The following BUB1 variants were observed in gnomAD, a reference collection of about 807,000 sequenced individuals.
The protein encoded by BUB1 is BUB1 mitotic checkpoint serine/threonine kinase, also known as mitotic checkpoint serine/threonine-protein kinase BUB1.
In BUB1, 84 loss-of-function variants were observed where a neutral mutation model predicts 135.2. The observed-to-expected ratio is 0.62, with a 90% confidence interval of 0.52 to 0.74. The LOEUF (loss-of-function observed/expected upper bound fraction) is 0.74. Ranked by LOEUF, BUB1 falls within the 30% of genes least tolerant of loss-of-function variation. The pLI is 0.00. For missense variants in BUB1, 1,162 were observed against 1,288.3 expected, an observed-to-expected ratio of 0.90 and a Z score of 1.50; for synonymous variants, 403 against 434.4, an observed-to-expected ratio of 0.93 and a Z score of 0.90.
Position 110,666,381 on chromosome 2 carries a change from T to C in BUB1, c.839A>G (p.Glu280Gly). Residue 280 changes from glutamate (E) to glycine (G), a missense_variant, in exon 9 of 25, where the codon GAA becomes GGA. Physicochemically the swap from Glu to Gly is moderately conservative, Grantham distance 98. Coordinates refer to ENST00000302759, the MANE Select transcript of BUB1 (RefSeq NM_004336.5). ...TAGCTGTTCTTCAAAAGCATTTGCT[T>C]CTTTCCTTTTCATATAATGTCTGTC... ...NEDRHYMKRKEANAFEEQLLK... is the reference protein window; with the variant it reads ...NEDRHYMKRKGANAFEEQLLK... 6.6e-7 allele frequency: 1 copy of C among 1,504,074 alleles called. No homozygotes were observed. Among genetic ancestry groups the C allele is most frequent in the Non-Finnish European group, 8.9e-7 (1 of 1,124,256 alleles). 93.2% of individuals were successfully genotyped at this position (1,504,074 alleles called of 1,614,324 possible). A position where few individuals can be genotyped will look rare whatever the true frequency, so the allele number is the denominator to read the frequency against.
intron 21 of BUB1, 26 bp downstream of exon 21, chr2:110,641,616 T>A: frequency 2.5e-6 from 4 of 1,603,382 alleles, no homozygotes; most frequent in Non-Finnish European, 8.5e-7. Flanking sequence ...TAAATTCATG[T>A]GCTCATCATA....
chr2:110,669,546 G>A lies in BUB1; in HGVS notation c.474C>T (p.Thr158=), dbSNP rs751310382. The change falls in exon 6 of 25, where the codon ACC becomes ACT. Residue 158 remains threonine, a synonymous_variant. Coordinates refer to ENST00000302759, the MANE Select transcript of BUB1 (RefSeq NM_004336.5). ...CCTGAACATTATGCAGAGGTTCTGA[G>A]GTTCTAGCTATGAGGGAAAAGAGGA... The part of the protein sequence containing the change: ...TETHLPAQAR[T]SEPLHNVQVL... 30 of 1,600,498 alleles carry A rather than the reference G, an allele frequency of 1.9e-5. No homozygotes were observed. Among genetic ancestry groups the A allele is most frequent in the Non-Finnish European group, 2.4e-5 (28 of 1,168,384 alleles).
At chr2:110,643,249 G>A (rs535416356) in intron 19 of BUB1, among the ~76,000 whole-genome samples, 1 of 152,144 alleles carries the variant, frequency 6.6e-6, no homozygotes, top group African/African-American at 2.4e-5. Flanking sequence ...TGCCAAACTA[G>A]AAGCCCAGGA....
intron 3 of BUB1, among the ~76,000 whole-genome samples, chr2:110,673,721 C>T (rs1458814839): frequency 1.3e-5 from 2 of 152,070 alleles, no homozygotes; most frequent in African/African-American, 4.8e-5. Flanking sequence ...GCCATAGCCC[C>T]CCGAGTAGCT....
chr2:110,637,698 A>C lies in BUB1; in HGVS notation c.*266T>G, dbSNP rs1009728232. Reference sequence around the variant, plus strand: ...TTGGCTTAAACAGGTCAGTGTTTAAAAAGTGATTTCTAGAGAATGCTCATG... The same window carrying C: ...TTGGCTTAAACAGGTCAGTGTTTAACAAGTGATTTCTAGAGAATGCTCATG... On this transcript the variant is annotated 3_prime_UTR_variant, in exon 25 of 25. Transcript: ENST00000302759. 3.7e-6 allele frequency: 1 copy of C among 272,638 alleles called. No individual in the cohort carries two copies. Among genetic ancestry groups the C allele is most frequent in the African/African-American group, 2.2e-5 (1 of 45,816 alleles). 16.9% of individuals were successfully genotyped at this position (272,638 alleles called of 1,614,324 possible).
rs1203211482 is a variant in BUB1 at position 110,641,448 on chromosome 2, T to A, written c.2642A>T (p.Tyr881Phe). The A allele has an allele frequency of 1.9e-6, 3 of 1,612,138 alleles. No homozygotes were observed. Among genetic ancestry groups the A allele is most frequent in the Non-Finnish European group, 2.5e-6 (3 of 1,179,536 alleles). The change falls in exon 22 of 25, where the codon TAT becomes TTT. Residue 881 changes from tyrosine to phenylalanine, a missense_variant. By Grantham distance (22) the Tyr-to-Phe change is conservative. Coordinates refer to ENST00000302759, the MANE Select transcript of BUB1 (RefSeq NM_004336.5). ...CATCACTTTTTCAGGGGTATTTTTATAGAGGTTAATGGCATTCTAGGAACA... is the reference window on the plus strand; with the variant it reads ...CATCACTTTTTCAGGGGTATTTTTAAAGAGGTTAATGGCATTCTAGGAACA... ...YGTLLNAINL[Y>F]KNTPEKVMPQ...
intron 17 of BUB1, 58 bp downstream of exon 17, chr2:110,653,378 A>T (rs1429474315): frequency 1.3e-6 from 2 of 1,539,664 alleles, no homozygotes; most frequent in Admixed American, 1.7e-5. Context: ...TGAAAATGGT[A>T]AACAATGTTA....
rs756454638 is a variant in BUB1 at position 110,657,031 on chromosome 2, T to G, written c.1698+5A>C. 1 of 1,610,696 alleles carries G rather than the reference T, an allele frequency of 6.2e-7. No homozygotes were observed. ...CCATTTCATAGATAAAACAGGTTTG[T>G]TTACCTTTGGTTTTGAAGGAAGTCT... is the stretch of plus-strand genomic sequence containing the variant. On this transcript the variant is annotated splice_donor_5th_base_variant and intron_variant, in intron 15 of 24. Coordinates refer to ENST00000302759, the MANE Select transcript of BUB1 (RefSeq NM_004336.5).
At chr2:110,668,875 C>T (rs113338280) in intron 6 of BUB1, among the ~76,000 whole-genome samples, 2 of 149,780 alleles carry the variant, frequency 1.3e-5, no homozygotes, top group Admixed American at 6.6e-5. Context: ...CTAGAGGTAG[C>T]GAGGTCCCAA....
chr2:110,660,523 G>A (rs1574327399), intron 10 of BUB1, among the ~76,000 whole-genome samples: 1 of 152,112 alleles, frequency 6.6e-6, no homozygotes. Context: ...GGTCTACAGT[G>A]TTAGTAAATA....
chr2:110,645,997 T>C (rs1238301953), intron 19 of BUB1, among the ~76,000 whole-genome samples: 1 of 151,850 alleles, frequency 6.6e-6, no homozygotes, highest in Non-Finnish European at 1.5e-5. Flanking sequence ...AAAAGATGAA[T>C]TCACTATTAT....
rs1183526755 is a variant in BUB1, at chr2:110,657,593, C to A, written c.1569G>T (p.Leu523Phe). Residue 523 changes from leucine to phenylalanine, a missense_variant, in exon 14 of 25, where the codon TTG becomes TTT. Leu to Phe is a conservative substitution (Grantham distance 22). Transcript: ENST00000302759. ...AWGVNKIISS[L>F]SSAFHVFEDG... ...CTTCAAACACATGAAAAGCAGATGA[C>A]AAAGAAGAGATGATCTTATTGACTC... is the stretch of plus-strand genomic sequence containing the variant. 6.2e-7 allele frequency: 1 copy of A among 1,607,522 alleles called. No homozygotes were observed. The highest frequency in any genetic ancestry group is 1.1e-5 in the South Asian group (1 of 89,982).
At chr2:110,644,451 T>C (rs1316013705) in intron 19 of BUB1, among the ~76,000 whole-genome samples, 2 of 130,902 alleles carry the variant, frequency 1.5e-5, no homozygotes, top group African/African-American at 3.0e-5. Flanking sequence ...CACTGTAGCC[T>C]GGGCAAAAAA....
intron 10 of BUB1, among the ~76,000 whole-genome samples, chr2:110,660,610 G>A (rs1457084305): frequency 6.6e-6 from 1 of 151,964 alleles, no homozygotes; most frequent in East Asian, 1.9e-4. Context: ...AAACATTTGT[G>A]TGACACAGGG....
rs149445802 is a variant in BUB1 at position 110,639,822 on chromosome 2, T to A, written c.2982A>T (p.Thr994=). The change falls in exon 24 of 25, where the codon ACA becomes ACT. Residue 994 remains threonine (T), a synonymous_variant. Coordinates refer to ENST00000302759, the MANE Select transcript of BUB1 (RefSeq NM_004336.5). ...YQIDYFGVAA[T]VYCMLFGTYM... ...AAGTGCCAAAGAGCATGCAATATACTGTTGCAGCAACCCCAAAGTAATCGA... is the reference window on the plus strand; with the variant it reads ...AAGTGCCAAAGAGCATGCAATATACAGTTGCAGCAACCCCAAAGTAATCGA... The A allele has an allele frequency of 1.2e-6, 2 of 1,614,080 alleles. No homozygotes were observed. Among genetic ancestry groups the A allele is most frequent in the Non-Finnish European group, 1.7e-6 (2 of 1,179,938 alleles).
intron 13 of BUB1, among the ~76,000 whole-genome samples, chr2:110,657,950 C>T (rs1689976969): frequency 6.6e-6 from 1 of 152,174 alleles, no homozygotes; most frequent in Non-Finnish European, 1.5e-5. Flanking sequence ...GTTTCGTTTT[C>T]CATTTCCTTC....
At position 110,667,436 on chromosome 2, in the gene BUB1, A is replaced by G; in HGVS notation, c.805+85T>C. On this transcript the variant is annotated intron_variant, in intron 8 of 24. Transcript: ENST00000302759. ...TTCTTGCAGTCTTTCAACATAGTCA[A>G]TTATTCTTTAAAAAAGTAATTACTC... 2.3e-6 allele frequency: 3 copies of G among 1,318,964 alleles called. No individual in the cohort carries two copies. In the South Asian group the frequency reaches 4.4e-5, roughly 19 times the overall value. 81.7% of individuals were successfully genotyped at this position (1,318,964 alleles called of 1,614,324 possible).
At chr2:110,667,921 A>G in intron 6 of BUB1, 72 bp from the exon 7 acceptor site, 1 of 1,465,100 alleles carries the variant, frequency 6.8e-7, no homozygotes, top group Non-Finnish European at 9.4e-7. Context: ...ACTTCACAAA[A>G]CAATATGAAA....
At chr2:110,660,391 A>C (rs1388305725) in intron 10 of BUB1, among the ~76,000 whole-genome samples, 1 of 152,100 alleles carries the variant, frequency 6.6e-6, no homozygotes, top group African/African-American at 2.4e-5. Flanking sequence ...CAAAAAAAAA[A>C]CAAAACAAAA....
Sources: gnomAD v4.1 joint callset for allele counts (sites outside exome capture counted in the v4.1 genomes callset) on GRCh38, gnomAD v4.1.1 for gene constraint, MANE v1.5 for transcripts, NCBI Gene and HGNC (gene_info 2026-07-23, HGNC 2026-07-21) for gene names.